Variants in SHANK2 observed in about 807,000 individuals in gnomAD.
SHANK2 encodes the protein SH3 and multiple ankyrin repeat domains 2.
A neutral mutation model predicts 133.7 loss-of-function variants in SHANK2; 43 were observed. The observed-to-expected ratio is 0.32, with a 90% confidence interval of 0.25 to 0.41. SHANK2 has a LOEUF of 0.41. Ranked by LOEUF, SHANK2 falls within the 10% of genes least tolerant of loss-of-function variation. The pLI is 1.00. For missense variants in SHANK2, 1,994 were observed against 2,235.8 expected (o/e 0.89, Z 2.18); for synonymous variants, 1,017 against 952.8 (o/e 1.07, Z -1.24).
chr11:70,907,422 C>T (rs929947794), intron 10 of SHANK2, among the ~76,000 whole-genome samples: 2 of 152,158 alleles, frequency 1.3e-5, no homozygotes, highest in African/African-American at 4.8e-5. Context: ...GTTGGACAGC[C>T]CCAGAGGGAG....
At chr11:70,784,837 C>G (rs913021427) in intron 14 of SHANK2, among the ~76,000 whole-genome samples, 6 of 152,168 alleles carry the variant, frequency 3.9e-5, no homozygotes, top group African/African-American at 1.4e-4. Context: ...CCAGGGCCCA[C>G]GCTCCAACCG....
At chr11:71,139,219 C>T (rs564423654) in intron 3 of SHANK2, among the ~76,000 whole-genome samples, 6 of 152,214 alleles carry the variant, frequency 3.9e-5, no homozygotes, top group Admixed American at 6.5e-5. Context: ...CTGAGCTACT[C>T]GGTGCCAGGC....
intron 17 of SHANK2, among the ~76,000 whole-genome samples, chr11:70,632,773 C>T (rs1296285379): frequency 2.0e-5 from 3 of 152,096 alleles, no homozygotes; most frequent in Admixed American, 1.3e-4. Context: ...GAAGAACATA[C>T]TAATTGGTTT....
chr11:70,730,673 C>T (rs1555031938), intron 14 of SHANK2, among the ~76,000 whole-genome samples: 1 of 152,240 alleles, frequency 6.6e-6, no homozygotes, highest in Non-Finnish European at 1.5e-5. Context: ...ATCTCCTCCT[C>T]TCCCTGCTGA....
intron 17 of SHANK2, among the ~76,000 whole-genome samples, chr11:70,599,901 G>GAAAGAAAGAAAGAAAGAAAA (rs2060461205): frequency 1.2e-5 from 1 of 80,140 alleles, no homozygotes; most frequent in African/African-American, 5.1e-5. Flanking sequence ...AAGAAAGAAA[G>GAAAGAAAGAAAGAAAGAAAA]AAAGAGAAAG....
At chr11:71,240,216 C>T (rs1480204482) in intron 1 of SHANK2, among the ~76,000 whole-genome samples, 9 of 152,148 alleles carry the variant, frequency 5.9e-5, no homozygotes, top group African/African-American at 1.9e-4. Context: ...GACCCAGACA[C>T]GGTGTATCTT....
intron 14 of SHANK2, among the ~76,000 whole-genome samples, chr11:70,722,942 T>C (rs1192436583): frequency 1.3e-5 from 2 of 152,238 alleles, no homozygotes; most frequent in East Asian, 1.9e-4. Flanking sequence ...AAACCTACTT[T>C]GTTAGATAAA....
At chr11:70,583,827 C>T (rs550418124) in intron 17 of SHANK2, among the ~76,000 whole-genome samples, 8 of 152,344 alleles carry the variant, frequency 5.3e-5, no homozygotes, top group Non-Finnish European at 7.3e-5. Context: ...GGTATAACGT[C>T]TGCGGGCTGC....
intron 1 of SHANK2, among the ~76,000 whole-genome samples, chr11:71,228,949 T>C (rs1191820698): frequency 6.6e-6 from 1 of 152,086 alleles, no homozygotes; most frequent in African/African-American, 2.4e-5. Flanking sequence ...CAATATTTTT[T>C]AAAAAAATCA....
At chr11:70,740,073 GTGCC>G (rs1555034404) in intron 14 of SHANK2, among the ~76,000 whole-genome samples, 27 of 151,408 alleles carry the variant, frequency 1.8e-4, no homozygotes. Context: ...AGGACAGACA[GTGCC>G]TGCCACACAG....
chr11:70,698,691 G>C lies in SHANK2; in HGVS notation c.1850C>G (p.Ser617Cys), dbSNP rs1472251690. The C allele has an allele frequency of 5.6e-6, 4 of 718,638 alleles. No individual in the cohort carries two copies. Among genetic ancestry groups the C allele is most frequent in the Non-Finnish European group, 1.0e-5 (4 of 385,102 alleles). 44.5% of individuals were successfully genotyped at this position (718,638 alleles called of 1,614,324 possible). A position where few individuals can be genotyped will look rare whatever the true frequency, so the allele number is the denominator to read the frequency against. ...TVGSYDSFDT[S>C]SDCIIEEKTV... ...AAGAGAAAGCAGCGCGTCTTACCTG[G>C]AAGTGTCGAAGCTGTCATAGGAGCC... Residue 617 changes from serine (S) to cysteine (C), a missense_variant, in exon 15 of 26, where the codon TCC becomes TGC. Ser to Cys is a moderately radical substitution (Grantham distance 112, BLOSUM62 -1). Around this residue, in one of 5 missense-constraint regions of SHANK2, gnomAD observed 653 missense variants for 563.4 expected, o/e 1.16. Coordinates refer to ENST00000601538, the MANE Select transcript of SHANK2 (RefSeq NM_012309.5).
intron 17 of SHANK2, among the ~76,000 whole-genome samples, chr11:70,553,713 A>G (rs575904322): frequency 1.3e-5 from 2 of 152,348 alleles, no homozygotes; most frequent in Non-Finnish European, 2.9e-5. Flanking sequence ...CATGCAGCAG[A>G]ACAAGACAAT....
intron 10 of SHANK2, among the ~76,000 whole-genome samples, chr11:70,940,251 CTCTT>C (rs1268280690): frequency 4.0e-4 from 4 of 9,924 alleles, no homozygotes; most frequent in East Asian, 2.8e-3. Flanking sequence ...CTCTCTCTCT[CTCTT>C]TCTCTCTTTT....
At chr11:71,196,133 G>A (rs533105895) in intron 2 of SHANK2, among the ~76,000 whole-genome samples, 1 of 152,204 alleles carries the variant, frequency 6.6e-6, no homozygotes, top group East Asian at 1.9e-4. Context: ...CGGCTGCAGT[G>A]AGCCATGATC....
intron 10 of SHANK2, among the ~76,000 whole-genome samples, chr11:70,947,337 A>G (rs1347004544): frequency 3.3e-5 from 5 of 150,026 alleles, no homozygotes; most frequent in Admixed American, 6.8e-5. Flanking sequence ...AATGTGCTTA[A>G]GTAACTGACA....
chr11:70,917,918 A>T (rs947884601), intron 10 of SHANK2, among the ~76,000 whole-genome samples: 1 of 152,186 alleles, frequency 6.6e-6, no homozygotes. Flanking sequence ...TAGGTTTAAT[A>T]CCTGGTTGAT....
At chr11:70,836,810 G>A (rs1455782725) in intron 11 of SHANK2, among the ~76,000 whole-genome samples, 3 of 152,200 alleles carry the variant, frequency 2.0e-5, no homozygotes, top group Non-Finnish European at 4.4e-5. Context: ...GTGGCCTGAA[G>A]GTTTACATCC....
At chr11:70,750,357 T>C (rs1946728305) in intron 14 of SHANK2, among the ~76,000 whole-genome samples, 1 of 152,206 alleles carries the variant, frequency 6.6e-6, no homozygotes, top group Non-Finnish European at 1.5e-5. Flanking sequence ...AGCAATCCTG[T>C]GGTGGCGGAG....
chr11:70,861,708 GT>G (rs1457030390), intron 11 of SHANK2, among the ~76,000 whole-genome samples: 14 of 152,188 alleles, frequency 9.2e-5, no homozygotes, highest in Non-Finnish European at 1.9e-4. Context: ...GCAACCTACA[GT>G]TGCCTCTGCA....
Sources: allele counts gnomAD v4.1 joint callset (sites outside exome capture counted in the v4.1 genomes callset), GRCh38; gene constraint gnomAD v4.1.1; regional missense constraint gnomAD v4.1.1; transcripts MANE v1.5; gene names NCBI Gene and HGNC (gene_info 2026-07-23, HGNC 2026-07-21).